Variants in GRIK4 observed in about 807,000 individuals in gnomAD.
The protein encoded by GRIK4 is glutamate receptor ionotropic, kainate 4.
In GRIK4, 40 loss-of-function variants were observed where a neutral mutation model predicts 104.9. The ratio of observed to expected loss-of-function variants is 0.38; its 90% confidence interval spans 0.30 to 0.50. The LOEUF is 0.50. Among genes scored for constraint, GRIK4 ranks in the 20% least tolerant of loss-of-function variants. The pLI, the probability that GRIK4 is intolerant of heterozygous loss-of-function variation, is 0.93. For missense variants in GRIK4, 1,047 were observed against 1,308.1 expected, an observed-to-expected ratio of 0.80 and a Z score of 3.08; for synonymous variants, 485 against 524.9, an observed-to-expected ratio of 0.92 and a Z score of 1.04.
intron 3 of GRIK4, among the ~76,000 whole-genome samples, chr11:120,760,923 C>G (rs979323280): frequency 2.6e-5 from 4 of 152,086 alleles, no homozygotes; most frequent in African/African-American, 9.7e-5. Context: ...GTGCACGTAT[C>G]TTTAGAGTAG....
chr11:120,682,435 C>T (rs547332594), intron 3 of GRIK4, among the ~76,000 whole-genome samples: 1 of 152,230 alleles, frequency 6.6e-6, no homozygotes, highest in Non-Finnish European at 1.5e-5. Flanking sequence ...GGTCTTGACT[C>T]CCTCCATTTG....
intron 8 of GRIK4, among the ~76,000 whole-genome samples, chr11:120,855,720 G>A (rs542726635): frequency 7.8e-4 from 118 of 152,188 alleles, no homozygotes; most frequent in Non-Finnish European, 9.6e-4. Flanking sequence ...ACACAACCAC[G>A]CCCAGCTAAT....
chr11:120,766,311 C>A (rs892643574), intron 3 of GRIK4, among the ~76,000 whole-genome samples: 1 of 152,232 alleles, frequency 6.6e-6, no homozygotes, highest in African/African-American at 2.4e-5. Flanking sequence ...CCCCACCAAG[C>A]CTGAGCATCC....
intron 1 of GRIK4, among the ~76,000 whole-genome samples, chr11:120,546,493 C>T (rs1222886808): frequency 1.3e-5 from 2 of 152,284 alleles, no homozygotes; most frequent in Admixed American, 6.5e-5. Flanking sequence ...TCTGTGCCTG[C>T]CCCTGCAACA....
At chr11:120,608,597 G>C (rs1038211559) in intron 1 of GRIK4, among the ~76,000 whole-genome samples, 4 of 152,308 alleles carry the variant, frequency 2.6e-5, no homozygotes, top group Middle Eastern at 3.4e-3. Flanking sequence ...AGGAAGCAGT[G>C]ACCCCCCTTC....
At chr11:120,699,899 T>C (rs944484804) in intron 3 of GRIK4, among the ~76,000 whole-genome samples, 4 of 152,266 alleles carry the variant, frequency 2.6e-5, no homozygotes, top group Admixed American at 2.0e-4. Context: ...CAGCAGGAGA[T>C]AGTCAGAGAT....
intron 1 of GRIK4, among the ~76,000 whole-genome samples, chr11:120,606,678 G>C (rs976762701): frequency 1.2e-4 from 18 of 152,242 alleles, no homozygotes; most frequent in African/African-American, 4.1e-4. Context: ...TGGGGGAGAA[G>C]TGTGTCGTTA....
intron 3 of GRIK4, among the ~76,000 whole-genome samples, chr11:120,731,057 C>T (rs1225077256): frequency 3.3e-5 from 5 of 152,036 alleles, no homozygotes; most frequent in African/African-American, 1.2e-4. Flanking sequence ...CTGTTTCTTT[C>T]TTTCTCTTGT....
In GRIK4 at chr11:120,940,747, C is replaced by T. The variant is rs993719272; in HGVS notation, c.1590+287C>T. On this transcript the variant is annotated intron_variant, in intron 14 of 20. Coordinates refer to ENST00000527524, the MANE Select transcript of GRIK4 (RefSeq NM_014619.5). This position sits in a 1 kb window ranked among gnomAD's most constrained non-coding sequence, Gnocchi z 4.3. ...TGGATCCTGTGTTGGTGATTGGCCC[C>T]ATGGGTCACTTTGCTCCCTTGCCTG... Among the ~76,000 whole-genome samples, 2 of 152,156 alleles carry T rather than the reference C, an allele frequency of 1.3e-5. No homozygotes were observed. Among genetic ancestry groups the T allele is most frequent in the African/African-American group, 4.8e-5 (2 of 41,438 alleles).
chr11:120,719,795 C>T lies in GRIK4; in HGVS notation c.82+59395C>T, dbSNP rs542586480. Reference sequence around the variant, plus strand: ...AGAAAGCTAAGCAACAATGACTAGCCTTATTCCAGAAGGATCCTTCTTTTT... The same window carrying T: ...AGAAAGCTAAGCAACAATGACTAGCTTTATTCCAGAAGGATCCTTCTTTTT... On this transcript the variant is annotated intron_variant, in intron 3 of 20. Coordinates refer to ENST00000527524, the MANE Select transcript of GRIK4 (RefSeq NM_014619.5). 3.3e-5 allele frequency among the ~76,000 whole-genome samples: 5 copies of T among 152,248 alleles called. No homozygotes were observed. In the East Asian group the frequency reaches 9.6e-4, roughly 29 times the overall value.
intron 3 of GRIK4, among the ~76,000 whole-genome samples, chr11:120,788,044 T>C (rs1299648081): frequency 6.6e-6 from 1 of 151,354 alleles, no homozygotes; most frequent in East Asian, 1.9e-4. Context: ...TTTTTTTTTG[T>C]ATTTTTAGTA....
At chr11:120,735,644 G>A (rs1251347919) in intron 3 of GRIK4, among the ~76,000 whole-genome samples, 2 of 151,838 alleles carry the variant, frequency 1.3e-5, no homozygotes. Context: ...GTTCCCCCAG[G>A]CCCAAAGTGG....
intron 3 of GRIK4, among the ~76,000 whole-genome samples, chr11:120,716,101 G>A (rs1950827819): frequency 1.3e-5 from 2 of 152,258 alleles, no homozygotes; most frequent in Admixed American, 6.5e-5. Flanking sequence ...CCACTGTTCT[G>A]TAGGCAATGG....
intron 3 of GRIK4, among the ~76,000 whole-genome samples, chr11:120,780,751 T>G (rs1218341541): frequency 6.6e-6 from 1 of 152,202 alleles, no homozygotes; most frequent in Non-Finnish European, 1.5e-5. Context: ...TTTTTTTGTT[T>G]TGTTTTTTGA....
At chr11:120,645,787 G>T (rs1949535468) in intron 1 of GRIK4, among the ~76,000 whole-genome samples, 2 of 152,188 alleles carry the variant, frequency 1.3e-5, no homozygotes, top group South Asian at 4.1e-4. Flanking sequence ...TGGCTGGGTC[G>T]GCTGGAAAAC....
intron 1 of GRIK4, among the ~76,000 whole-genome samples, chr11:120,605,607 G>T (rs1260044268): frequency 2.0e-5 from 3 of 152,202 alleles, no homozygotes; most frequent in African/African-American, 7.2e-5. Flanking sequence ...ATGGGTTGTG[G>T]TTCTACCTTG....
At chr11:120,644,544 G>A (rs536288440) in intron 1 of GRIK4, among the ~76,000 whole-genome samples, 1 of 152,300 alleles carries the variant, frequency 6.6e-6, no homozygotes, top group African/African-American at 2.4e-5. Context: ...CCTTCCAGAA[G>A]GAATACCTAT....
chr11:120,826,164 A>G (rs1331532582), intron 6 of GRIK4, among the ~76,000 whole-genome samples: 1 of 152,216 alleles, frequency 6.6e-6, no homozygotes, highest in Non-Finnish European at 1.5e-5. Flanking sequence ...GATGGGCTCT[A>G]TCAACATTCT....
chr11:120,749,342 G>A (rs1020400869), intron 3 of GRIK4, among the ~76,000 whole-genome samples: 1 of 152,174 alleles, frequency 6.6e-6, no homozygotes, highest in African/African-American at 2.4e-5. Flanking sequence ...CTCTTCTGTG[G>A]CTAGGGCACC....
Sources: allele counts gnomAD v4.1 joint callset (sites outside exome capture counted in the v4.1 genomes callset), GRCh38; gene constraint gnomAD v4.1.1; non-coding constraint Gnocchi (gnomAD v3.1); transcripts MANE v1.5; gene names NCBI Gene and HGNC (gene_info 2026-07-23, HGNC 2026-07-21).